Variants in GJA3 observed in about 807,000 individuals in gnomAD.
GJA3 encodes gap junction protein alpha 3, also known as gap junction alpha-3 protein.
For missense variants in GJA3, 571 were observed against 620.3 expected, an observed-to-expected ratio of 0.92 and a Z score of 0.84; for synonymous variants, 297 against 292.6, an observed-to-expected ratio of 1.02 and a Z score of -0.15.
At chr13:20,155,031 T>G (rs1459912237) in intron 1 of GJA3, among the ~76,000 whole-genome samples, 1 of 152,066 alleles carries the variant, frequency 6.6e-6, no homozygotes, top group Non-Finnish European at 1.5e-5. Flanking sequence ...TTATTTTCAT[T>G]TTTATTTTGT....
At chr13:20,153,429 T>C (rs1165371131) in intron 1 of GJA3, among the ~76,000 whole-genome samples, 2 of 152,142 alleles carry the variant, frequency 1.3e-5, no homozygotes, top group East Asian at 1.9e-4. Flanking sequence ...GTGGCACATA[T>C]ACACCATGGA....
chr13:20,158,500 T>C (rs910492890), intron 1 of GJA3, among the ~76,000 whole-genome samples: 8 of 151,982 alleles, frequency 5.3e-5, no homozygotes, highest in Non-Finnish European at 1.2e-4. Flanking sequence ...TCTAGTATCA[T>C]TAGTTTGTTA....
chr13:20,146,896 G>T (rs1026761472), intron 1 of GJA3, among the ~76,000 whole-genome samples: 2 of 152,168 alleles, frequency 1.3e-5, no homozygotes, highest in African/African-American at 2.4e-5. Flanking sequence ...GGCTGGCCGT[G>T]GCTGACACCG....
chr13:20,158,749 T>C (rs2141146983), intron 1 of GJA3, among the ~76,000 whole-genome samples: 1 of 151,524 alleles, frequency 6.6e-6, no homozygotes, highest in Non-Finnish European at 1.5e-5. Flanking sequence ...GTGTCTCTAC[T>C]AAAAATACAA....
chr13:20,153,355 T>C (rs1042002957), intron 1 of GJA3, among the ~76,000 whole-genome samples: 2 of 152,180 alleles, frequency 1.3e-5, no homozygotes, highest in Non-Finnish European at 2.9e-5. Context: ...GCAGCACTAT[T>C]CACAATAGCA....
At position 20,142,343 on chromosome 13, in the gene GJA3, T is replaced by A. The variant is rs761473812; in HGVS notation, c.946A>T (p.Asn316Tyr). 3 of 1,557,198 alleles carry A rather than the reference T, an allele frequency of 1.9e-6. No homozygotes were observed. Among genetic ancestry groups the A allele is most frequent in the Non-Finnish European group, 1.7e-6 (2 of 1,153,062 alleles). ...GTCATCAGCAGGTGGTGGTGGCCGTTGTAGAGCTTGGCGGACTGGCCCTTT... is the reference window on the plus strand; with the variant it reads ...GTCATCAGCAGGTGGTGGTGGCCGTAGTAGAGCTTGGCGGACTGGCCCTTT... ...RGKGQSAKLY[N>Y]GHHHLLMTEQ... The change falls in exon 2 of 2, where the codon AAC (asparagine) becomes TAC (tyrosine). Residue 316 changes from asparagine to tyrosine, a missense_variant. Asn to Tyr is a moderately radical substitution (Grantham distance 143, BLOSUM62 -2). Coordinates refer to ENST00000241125, the MANE Select transcript of GJA3 (RefSeq NM_021954.4).
Position 20,141,839 on chromosome 13 carries a change from C to A in GJA3, c.*142G>T, listed in dbSNP as rs1958808749. ...ATTGAACACGGAAACCTGATCTCTC[C>A]TCCATCGTCCACCTCCTGGGACTCC... On this transcript the variant is annotated 3_prime_UTR_variant, in exon 2 of 2. Coordinates refer to ENST00000241125, the MANE Select transcript of GJA3 (RefSeq NM_021954.4). 9 of 1,236,636 alleles carry A rather than the reference C, an allele frequency of 7.3e-6. No individual in the cohort carries two copies. The highest frequency in any genetic ancestry group is 9.0e-6 in the Non-Finnish European group (8 of 890,226). The allele number at this position is 1,236,636 out of a possible 1,614,324, so 76.6% of individuals were successfully genotyped here.
In GJA3 at chr13:20,142,772, A is replaced by G. The variant is rs773432374; in HGVS notation, c.517T>C (p.Phe173Leu). Residue 173 changes from phenylalanine (F) to leucine (L), a missense_variant, in exon 2 of 2, where the codon TTC (phenylalanine) becomes CTC (leucine). Transcript: ENST00000241125. Reference protein sequence around the residue: ...FIAGQYFLYGFELKPLYRCDR... With the variant: ...FIAGQYFLYGLELKPLYRCDR... ...CAGCGGTAGAGCGGCTTCAGCTCGAAGCCGTACAGAAAGTACTGGCCGGCG... is the reference window on the plus strand; with the variant it reads ...CAGCGGTAGAGCGGCTTCAGCTCGAGGCCGTACAGAAAGTACTGGCCGGCG... The G allele has an allele frequency of 3.1e-6, 5 of 1,613,698 alleles. No individual in the cohort carries two copies. In the South Asian group the frequency reaches 3.3e-5, roughly 11 times the overall value.
At chr13:20,144,843 C>G (rs1031572922) in intron 1 of GJA3, among the ~76,000 whole-genome samples, 1 of 152,248 alleles carries the variant, frequency 6.6e-6, no homozygotes, top group African/African-American at 2.4e-5. Context: ...TGTGAGGACA[C>G]AGTCTCCAGT....
chr13:20,143,361 G>T, intron 1 of GJA3, 56 bp from the exon 2 acceptor site: 1 of 1,269,176 alleles, frequency 7.9e-7, no homozygotes, highest in Non-Finnish European at 1.1e-6. Flanking sequence ...TGCCGGGTCC[G>T]CACCCATGGG....
At chr13:20,148,011 C>T (rs1958853559) in intron 1 of GJA3, among the ~76,000 whole-genome samples, 1 of 152,204 alleles carries the variant, frequency 6.6e-6, no homozygotes, top group Non-Finnish European at 1.5e-5. Flanking sequence ...CCCCATCACT[C>T]ATCTGAGCCT....
At chr13:20,160,493 T>G (rs1219725765) in intron 1 of GJA3, among the ~76,000 whole-genome samples, 4 of 152,074 alleles carry the variant, frequency 2.6e-5, no homozygotes, top group Non-Finnish European at 5.9e-5. Context: ...TCAGCATCGC[T>G]AGGAGCCCTA....
intron 1 of GJA3, among the ~76,000 whole-genome samples, chr13:20,158,348 G>A (rs4769957): frequency 0.27 from 41,479 of 151,864 alleles, 7,047 homozygotes; most frequent in Non-Finnish European, 0.38. Flanking sequence ...TTCTATTGCT[G>A]TGTAACCAGA....
At chr13:20,157,306 T>C (rs1958911852) in intron 1 of GJA3, among the ~76,000 whole-genome samples, 1 of 152,216 alleles carries the variant, frequency 6.6e-6, no homozygotes, top group Admixed American at 6.5e-5. Flanking sequence ...AGTCATGATG[T>C]CTGAACAGAT....
At chr13:20,152,273 A>T (rs1327662221) in intron 1 of GJA3, among the ~76,000 whole-genome samples, 1 of 150,496 alleles carries the variant, frequency 6.6e-6, no homozygotes, top group East Asian at 2.0e-4. Context: ...CCTGCAGAGG[A>T]GCTGATCACC....
intron 1 of GJA3, among the ~76,000 whole-genome samples, chr13:20,159,192 C>G (rs535383683): frequency 6.6e-6 from 1 of 151,730 alleles, no homozygotes; most frequent in African/African-American, 2.4e-5. Flanking sequence ...GTGTGTGGCA[C>G]TGTGCCACAC....
At chr13:20,151,671 G>C (rs1443063456) in intron 1 of GJA3, among the ~76,000 whole-genome samples, 3 of 152,088 alleles carry the variant, frequency 2.0e-5, no homozygotes, top group Non-Finnish European at 2.9e-5. Context: ...GGCATCCCTC[G>C]TGGGCTCAAG....
intron 1 of GJA3, among the ~76,000 whole-genome samples, chr13:20,153,083 A>G (rs1003675607): frequency 6.6e-6 from 1 of 152,178 alleles, no homozygotes; most frequent in Non-Finnish European, 1.5e-5. Flanking sequence ...TTTTGCACCT[A>G]AAGACTGTAA....
rs1361460481 is a variant in GJA3 at position 20,143,352 on chromosome 13, G to A, written c.-17-47C>T. 16 of 1,362,034 alleles carry A rather than the reference G, an allele frequency of 1.2e-5. No individual in the cohort carries two copies. In the African/African-American group the frequency reaches 1.7e-4, roughly 15 times the overall value. 84.4% of individuals were successfully genotyped at this position (1,362,034 alleles called of 1,614,324 possible). ...GAACACCGGGCTGCAACGGCTGAGT[G>A]CCGGGTCCGCACCCATGGGCGGCGG... On this transcript the variant is annotated intron_variant, in intron 1 of 1. Transcript: ENST00000241125.
Sources: gnomAD v4.1 joint callset for allele counts (sites outside exome capture counted in the v4.1 genomes callset) on GRCh38, gnomAD v4.1.1 for gene constraint, MANE v1.5 for transcripts, NCBI Gene and HGNC (gene_info 2026-07-23, HGNC 2026-07-21) for gene names.